Variants in HTR2C observed in about 807,000 individuals in gnomAD.
HTR2C encodes 5-hydroxytryptamine (serotonin) receptor 2C, G protein-coupled.
In HTR2C, 5 loss-of-function variants were observed where a neutral mutation model predicts 21.0. The ratio of observed to expected loss-of-function variants is 0.24; its 90% CI spans 0.12 to 0.50. The LOEUF (loss-of-function observed/expected upper bound fraction) is 0.50. Ranked by LOEUF, HTR2C falls within the 20% of genes least tolerant of loss-of-function variation. The pLI, the probability that HTR2C is intolerant of heterozygous loss-of-function variation, is 0.98. For missense variants in HTR2C, 271 were observed against 371.2 expected, an observed-to-expected ratio of 0.73 and a Z score of 2.22; for synonymous variants, 150 against 145.3, an observed-to-expected ratio of 1.03 and a Z score of -0.23.
intron 2 of HTR2C, among the ~76,000 whole-genome samples, chrX:114,671,081 A>T (rs1395419161): frequency 4.5e-5 from 5 of 111,972 alleles, no homozygotes; most frequent in African/African-American, 1.3e-4. Context: ...CAATAATTTT[A>T]ATTAATATAT....
intron 4 of HTR2C, among the ~76,000 whole-genome samples, chrX:114,822,548 T>C (rs1310002847): frequency 2.7e-5 from 3 of 112,259 alleles, no homozygotes; most frequent in African/African-American, 6.5e-5. Context: ...TGTCTTCCAT[T>C]CAACTCTGAA....
At chrX:114,877,240 G>A (rs2071146026) in intron 5 of HTR2C, among the ~76,000 whole-genome samples, 1 of 111,451 alleles carries the variant, frequency 9.0e-6, no homozygotes, top group Non-Finnish European at 1.9e-5. Context: ...GCATGTAATT[G>A]TTCTAGTAGT....
At chrX:114,826,653 C>T (rs1415005546) in intron 4 of HTR2C, among the ~76,000 whole-genome samples, 4 of 111,718 alleles carry the variant, frequency 3.6e-5, no homozygotes, top group African/African-American at 1.3e-4. Context: ...ATAAAGGATG[C>T]TCAGCTTGTA....
intron 2 of HTR2C, among the ~76,000 whole-genome samples, chrX:114,687,904 A>G (rs1473055685): frequency 8.9e-6 from 1 of 112,202 alleles, no homozygotes; most frequent in African/African-American, 3.2e-5. Context: ...TATAAATATT[A>G]AAACGGTCAT....
chrX:114,884,731 G>A (rs1305001609), intron 5 of HTR2C, among the ~76,000 whole-genome samples: 1 of 111,483 alleles, frequency 9.0e-6, no homozygotes, highest in African/African-American at 3.3e-5. Flanking sequence ...CAGCTACTAT[G>A]GAAACCAGTA....
chrX:114,673,716 G>T (rs1931459532), intron 2 of HTR2C, among the ~76,000 whole-genome samples: 1 of 110,528 alleles, frequency 9.0e-6, no homozygotes, highest in African/African-American at 3.3e-5. Flanking sequence ...TATATATGGG[G>T]GTTAGCATCA....
intron 4 of HTR2C, among the ~76,000 whole-genome samples, chrX:114,768,023 A>G (rs1488728436): frequency 9.0e-6 from 1 of 111,350 alleles, no homozygotes; most frequent in East Asian, 2.8e-4. Flanking sequence ...GAAATTGCTC[A>G]ATAGAAAATT....
chrX:114,776,333 G>T (rs1453266816), intron 4 of HTR2C: 13 of 713,160 alleles, frequency 1.8e-5, no homozygotes, highest in Non-Finnish European at 2.9e-5. Context: ...ATTAAAGTAA[G>T]CTGGCACTGT....
chrX:114,818,552 A>T (rs782710044), intron 4 of HTR2C, among the ~76,000 whole-genome samples: 134 of 111,770 alleles, frequency 1.2e-3, no homozygotes, highest in African/African-American at 3.8e-3. Context: ...TGATCACTTC[A>T]AGCAACAGCA....
intron 2 of HTR2C, among the ~76,000 whole-genome samples, chrX:114,723,438 C>G (rs1175895508): frequency 9.0e-6 from 1 of 111,012 alleles, no homozygotes; most frequent in Non-Finnish European, 1.9e-5. Flanking sequence ...AGTGGTCTAT[C>G]AATTTTGTTG....
In HTR2C at chrX:114,756,814, G is replaced by A. The variant is rs1440354859; in HGVS notation, c.349+25207G>A. 7.2e-5 allele frequency among the ~76,000 whole-genome samples: 8 copies of A among 111,404 alleles called. No homozygotes were observed. In the Admixed American group the frequency reaches 7.7e-4, roughly 11 times the overall value. ...CTATTTTATTATAATTTTGCAAGAT[G>A]TTACCATTGCAGCAAACTGAGAAAA... is the stretch of plus-strand genomic sequence containing the variant. On this transcript the variant is annotated intron_variant, in intron 4 of 5. Transcript: ENST00000276198.
rs184155431 is a variant in HTR2C at position 114,842,283 on chromosome X, C to G, written c.350-5720C>G. Among the ~76,000 whole-genome samples, 3 of 112,463 alleles carry G rather than the reference C, an allele frequency of 2.7e-5. 1 individual carries two copies. In the Admixed American group the frequency reaches 2.8e-4, roughly 11 times the overall value. On this transcript the variant is annotated intron_variant, in intron 4 of 5. Transcript: ENST00000276198. ...AGTGCCAAAGAAATACAGATCTTTT[C>G]CTCAAAGAAATGTGCTTGTCTTTTT... is the stretch of plus-strand genomic sequence containing the variant.
intron 4 of HTR2C, among the ~76,000 whole-genome samples, chrX:114,786,550 GA>G (rs1298931123): frequency 8.9e-6 from 1 of 111,805 alleles, no homozygotes; most frequent in African/African-American, 3.3e-5. Flanking sequence ...ATAATTAAGT[GA>G]CAGAGGTAAC....
At chrX:114,619,288 G>A (rs1328347346) in intron 2 of HTR2C, among the ~76,000 whole-genome samples, 1 of 111,519 alleles carries the variant, frequency 9.0e-6, no homozygotes, top group African/African-American at 3.3e-5. Flanking sequence ...CATCATACCA[G>A]TTTGGATTTC....
intron 4 of HTR2C, chrX:114,775,958 G>A: frequency 2.7e-6 from 1 of 377,031 alleles, no homozygotes; most frequent in South Asian, 3.8e-5. Flanking sequence ...GGTCCTGGAA[G>A]AGAGAGTATG....
At chrX:114,740,738 T>C (rs781967204) in intron 4 of HTR2C, among the ~76,000 whole-genome samples, 3 of 111,966 alleles carry the variant, frequency 2.7e-5, no homozygotes, top group Non-Finnish European at 3.8e-5. Context: ...CAAAAAAATC[T>C]GACCCAAATA....
At chrX:114,649,546 C>T (rs1930475808) in intron 2 of HTR2C, among the ~76,000 whole-genome samples, 1 of 111,915 alleles carries the variant, frequency 8.9e-6, no homozygotes. Flanking sequence ...TTCTTGTGGT[C>T]ACAGAGCAAA....
intron 2 of HTR2C, among the ~76,000 whole-genome samples, chrX:114,712,923 G>A (rs782133795): frequency 9.0e-6 from 1 of 110,970 alleles, no homozygotes; most frequent in Non-Finnish European, 1.9e-5. Flanking sequence ...GAGATAATTA[G>A]AATAATGTTT....
intron 4 of HTR2C, among the ~76,000 whole-genome samples, chrX:114,806,273 T>C (rs782277043): frequency 2.4e-3 from 240 of 98,407 alleles, no homozygotes; most frequent in African/African-American, 7.9e-3. Context: ...ATATACACCA[T>C]ATATATACAC....
Sources: allele counts gnomAD v4.1 joint callset (sites outside exome capture counted in the v4.1 genomes callset), GRCh38; gene constraint gnomAD v4.1.1; transcripts MANE v1.5; gene names NCBI Gene and HGNC (gene_info 2026-07-23, HGNC 2026-07-21).